Variants in EHF observed in about 807,000 individuals in gnomAD.
The protein encoded by EHF is ETS homologous factor, also known as ESE3 transcription factor.
Under a neutral mutation model 45.1 loss-of-function variants are expected in EHF, and 14 were observed. The ratio of observed to expected loss-of-function variants is 0.31; its 90% CI spans 0.21 to 0.49. The LOEUF is 0.49. EHF is among the 20% of genes least tolerant of loss of function. EHF has a pLI of 0.99. For missense variants in EHF, 282 were observed against 371.4 expected, an observed-to-expected ratio of 0.76 and a Z score of 1.98; for synonymous variants, 136 against 131.8, an observed-to-expected ratio of 1.03 and a Z score of -0.22.
chr11:34,625,030 G>A (rs1852250284), intron 1 of EHF, among the ~76,000 whole-genome samples: 1 of 152,172 alleles, frequency 6.6e-6, no homozygotes, highest in African/African-American at 2.4e-5. Context: ...GATTGGGGGT[G>A]GTGGGAGTAC....
intron 1 of EHF, among the ~76,000 whole-genome samples, chr11:34,633,113 A>T (rs933177047): frequency 6.6e-6 from 1 of 152,126 alleles, no homozygotes; most frequent in African/African-American, 2.4e-5. Flanking sequence ...CATCAGAGAG[A>T]TCCTCTGCAA....
chr11:34,625,992 A>G (rs1236512684), intron 1 of EHF, among the ~76,000 whole-genome samples: 1 of 152,244 alleles, frequency 6.6e-6, no homozygotes, highest in Non-Finnish European at 1.5e-5. Context: ...CCAAAAATAA[A>G]AAGAAACCAA....
intron 1 of EHF, among the ~76,000 whole-genome samples, chr11:34,633,862 C>T (rs1853135860): frequency 6.6e-6 from 1 of 152,056 alleles, no homozygotes. Context: ...GGTCTGACAC[C>T]AAGACTGATA....
intron 3 of EHF, among the ~76,000 whole-genome samples, chr11:34,648,761 C>T (rs1049390952): frequency 1.3e-5 from 2 of 152,134 alleles, no homozygotes; most frequent in Non-Finnish European, 2.9e-5. Flanking sequence ...CTATTTCCAC[C>T]ATACTGAATG....
At chr11:34,650,679 C>G (rs1855063162) in intron 4 of EHF, among the ~76,000 whole-genome samples, 1 of 152,096 alleles carries the variant, frequency 6.6e-6, no homozygotes, top group Non-Finnish European at 1.5e-5. Flanking sequence ...TTTGGCTAGC[C>G]AAGAAACAAA....
intron 4 of EHF, among the ~76,000 whole-genome samples, chr11:34,650,637 C>T (rs1855058072): frequency 6.6e-6 from 1 of 152,168 alleles, no homozygotes. Flanking sequence ...CAGGAAGTTT[C>T]TGGTGAGGAC....
At chr11:34,651,391 G>C (rs1855148048) in intron 4 of EHF, 151 bp from the exon 5 acceptor site, 2 of 648,074 alleles carry the variant, frequency 3.1e-6, no homozygotes, top group East Asian at 2.7e-5. Flanking sequence ...TTATTATAAA[G>C]TAACGCAGCT....
At chr11:34,628,756 A>T (rs1303901713) in intron 1 of EHF, among the ~76,000 whole-genome samples, 2 of 152,140 alleles carry the variant, frequency 1.3e-5, no homozygotes, top group Non-Finnish European at 2.9e-5. Flanking sequence ...GACAGAAGAG[A>T]TCCCCTGCCC....
At chr11:34,654,914 T>C (rs1368504979) in intron 6 of EHF, among the ~76,000 whole-genome samples, 1 of 152,224 alleles carries the variant, frequency 6.6e-6, no homozygotes, top group Non-Finnish European at 1.5e-5. Flanking sequence ...CCCTCCTGGA[T>C]GTCATTTGAA....
rs765958099 is a variant in EHF at position 34,658,536 on chromosome 11, C to T, written c.611C>T (p.Pro204Leu). Reference protein sequence around the residue: ...PAKCHTKKHNPRGTHLWEFIR... With the variant: ...PAKCHTKKHNLRGTHLWEFIR... ...CTGCCTTTCTGCTTTTCATCAGACC[C>T]GAGAGGGACTCACTTATGGGAATTC... is the stretch of plus-strand genomic sequence containing the variant. Residue 204 changes from proline (P) to leucine (L), a missense_variant, in exon 8 of 9, where the codon CCG becomes CTG. Coordinates refer to ENST00000257831, the MANE Select transcript of EHF (RefSeq NM_012153.6). 4.0e-5 allele frequency: 65 copies of T among 1,612,244 alleles called. No homozygotes were observed. Among genetic ancestry groups the T allele is most frequent in the South Asian group, 5.5e-5 (5 of 90,876 alleles).
At chr11:34,658,141 G>A (rs1590558967) in intron 7 of EHF, among the ~76,000 whole-genome samples, 1 of 152,234 alleles carries the variant, frequency 6.6e-6, no homozygotes, top group East Asian at 1.9e-4. Flanking sequence ...GATAAAAGTG[G>A]TTGAGAGTTG....
intron 4 of EHF, among the ~76,000 whole-genome samples, chr11:34,649,783 T>G (rs1854964147): frequency 6.6e-6 from 1 of 152,188 alleles, no homozygotes; most frequent in Non-Finnish European, 1.5e-5. Flanking sequence ...TCACTCCCCA[T>G]GTTCATGCCT....
chr11:34,654,950 G>A (rs931461873), intron 6 of EHF, among the ~76,000 whole-genome samples: 1 of 152,154 alleles, frequency 6.6e-6, no homozygotes, highest in African/African-American at 2.4e-5. Context: ...TGGCCTGCTG[G>A]GTAAATGCCA....
At chr11:34,653,016 C>G (rs1162815944) in intron 6 of EHF, among the ~76,000 whole-genome samples, 7 of 152,206 alleles carry the variant, frequency 4.6e-5, no homozygotes, top group African/African-American at 1.4e-4. Flanking sequence ...GGGAACTGAG[C>G]CAACCGGGGT....
intron 1 of EHF, among the ~76,000 whole-genome samples, chr11:34,640,573 G>A (rs3794155): frequency 0.12 from 18,608 of 152,174 alleles, 1,577 homozygotes; most frequent in South Asian, 0.27. Context: ...CACCCGGTCT[G>A]GGGACTTAGA....
Position 34,639,082 on chromosome 11 carries a change from C to G in EHF, c.-3-3546C>G, listed in dbSNP as rs188482466. Among the ~76,000 whole-genome samples, 351 of 152,278 alleles carry G rather than the reference C, an allele frequency of 2.3e-3. 2 individuals are homozygous for G. Among genetic ancestry groups the G allele is most frequent in the African/African-American group, 8.1e-3 (337 of 41,544 alleles). On this transcript the variant is annotated intron_variant, in intron 1 of 8. Coordinates refer to ENST00000257831, the MANE Select transcript of EHF (RefSeq NM_012153.6). ...GAGAAACAAATACTCCCCCGCAACC[C>G]CCTCCAGCTCTCCCATTTCTAAACC...
chr11:34,656,887 G>C (rs200618929), intron 6 of EHF, 21 bp from the exon 7 acceptor site: 2 of 1,612,052 alleles, frequency 1.2e-6, no homozygotes, highest in African/African-American at 1.3e-5. Context: ...TCAATTAAAC[G>C]CCTCTCATTT....
At chr11:34,658,486 T>G in intron 7 of EHF, 47 bp from the exon 8 acceptor site, 1 of 1,531,532 alleles carries the variant, frequency 6.5e-7, no homozygotes. Flanking sequence ...GCCCTATCTT[T>G]GCTGTGACTT....
At chr11:34,632,813 G>A (rs1013652421) in intron 1 of EHF, among the ~76,000 whole-genome samples, 1 of 152,134 alleles carries the variant, frequency 6.6e-6, no homozygotes, top group Non-Finnish European at 1.5e-5. Context: ...GGGTAGGGCA[G>A]CGTCTATGTT....
Sources: allele counts gnomAD v4.1 joint callset (sites outside exome capture counted in the v4.1 genomes callset), GRCh38; gene constraint gnomAD v4.1.1; transcripts MANE v1.5; gene names NCBI Gene and HGNC (gene_info 2026-07-23, HGNC 2026-07-21).